Variants in MYO1D observed in about 807,000 individuals in gnomAD.
MYO1D encodes myosin ID.
Under a neutral mutation model 122.0 loss-of-function variants are expected in MYO1D, and 83 were observed. The observed-to-expected ratio is 0.68, with a 90% CI of 0.57 to 0.82. The LOEUF (loss-of-function observed/expected upper bound fraction) is 0.82. Among genes scored for constraint, MYO1D ranks in the 40% least tolerant of loss-of-function variants. The pLI is 0.00. For synonymous variants in MYO1D, 464 were observed against 446.9 expected (o/e 1.04, Z -0.48); for missense variants, 1,157 against 1,269.5 (o/e 0.91, Z 1.35).
At chr17:32,866,196 C>T (rs2091123263) in intron 1 of MYO1D, among the ~76,000 whole-genome samples, 1 of 152,136 alleles carries the variant, frequency 6.6e-6, no homozygotes, top group African/African-American at 2.4e-5. Flanking sequence ...AGTAATGTCC[C>T]TTAAACCCAA....
intron 1 of MYO1D, among the ~76,000 whole-genome samples, chr17:32,839,106 A>C (rs2090853812): frequency 6.6e-6 from 1 of 152,228 alleles, no homozygotes; most frequent in Admixed American, 6.5e-5. Flanking sequence ...AAAAACAAGC[A>C]GAGTAGGAAC....
chr17:32,601,082 AC>A (rs1160799671), intron 21 of MYO1D, among the ~76,000 whole-genome samples: 1 of 151,684 alleles, frequency 6.6e-6, no homozygotes, highest in Non-Finnish European at 1.5e-5. Flanking sequence ...ACAGGTGTGC[AC>A]CACCATGCTT....
intron 21 of MYO1D, among the ~76,000 whole-genome samples, chr17:32,515,747 G>A (rs1353195328): frequency 6.6e-6 from 1 of 152,194 alleles, no homozygotes; most frequent in Non-Finnish European, 1.5e-5. Flanking sequence ...GTAGCAGGTG[G>A]TGGGGGATTT....
At chr17:32,508,726 C>A (rs1909584788) in intron 21 of MYO1D, among the ~76,000 whole-genome samples, 1 of 152,108 alleles carries the variant, frequency 6.6e-6, no homozygotes, top group African/African-American at 2.4e-5. Flanking sequence ...ATGAGAAGGC[C>A]CAAAGAGCCT....
chr17:32,689,404 G>A (rs1050212972), intron 16 of MYO1D, among the ~76,000 whole-genome samples: 1 of 152,030 alleles, frequency 6.6e-6, no homozygotes, highest in Non-Finnish European at 1.5e-5. Context: ...AAATACTGAC[G>A]CTCATTATAG....
chr17:32,741,040 A>G (rs2089766216), intron 13 of MYO1D, among the ~76,000 whole-genome samples: 1 of 152,030 alleles, frequency 6.6e-6, no homozygotes, highest in East Asian at 1.9e-4. Context: ...CAAGGTCTAC[A>G]GAACTAGAAT....
At chr17:32,738,138 A>T in intron 14 of MYO1D, 115 bp downstream of exon 14, 1 of 889,746 alleles carries the variant, frequency 1.1e-6, no homozygotes, top group African/African-American at 1.7e-5. Context: ...TTCACTTTAT[A>T]CATATTCTTC....
At chr17:32,779,092 A>G (rs138164557) in intron 2 of MYO1D, among the ~76,000 whole-genome samples, 1 of 152,308 alleles carries the variant, frequency 6.6e-6, no homozygotes, top group Non-Finnish European at 1.5e-5. Flanking sequence ...AAAAAGCATG[A>G]CAATTGGGAT....
intron 19 of MYO1D, among the ~76,000 whole-genome samples, chr17:32,644,183 T>C (rs1056797411): frequency 3.3e-5 from 5 of 152,194 alleles, no homozygotes; most frequent in East Asian, 1.9e-4. Context: ...ACCCAGTAGT[T>C]ATTCAGGAGC....
chr17:32,649,717 C>T (rs1264840928), intron 19 of MYO1D, among the ~76,000 whole-genome samples: 1 of 151,766 alleles, frequency 6.6e-6, no homozygotes, highest in Non-Finnish European at 1.5e-5. Context: ...GATTGCAGGC[C>T]TGTGCCACCA....
chr17:32,586,390 T>G (rs1204224815), intron 21 of MYO1D, among the ~76,000 whole-genome samples: 1 of 152,146 alleles, frequency 6.6e-6, no homozygotes, highest in Non-Finnish European at 1.5e-5. Flanking sequence ...GCTTTCCTAT[T>G]CCCTATGTGT....
intron 8 of MYO1D, among the ~76,000 whole-genome samples, chr17:32,763,970 T>C (rs934009851): frequency 2.6e-5 from 4 of 152,054 alleles, no homozygotes; most frequent in Admixed American, 6.6e-5. Context: ...AGCTCACTCC[T>C]GGGAATCCAT....
At chr17:32,799,933 A>G (rs1412736755) in intron 1 of MYO1D, among the ~76,000 whole-genome samples, 4 of 152,236 alleles carry the variant, frequency 2.6e-5, no homozygotes, top group Non-Finnish European at 5.9e-5. Flanking sequence ...ACCAATACAT[A>G]TGAAAAACTG....
At chr17:32,780,877 A>G (rs1453023117) in intron 1 of MYO1D, 93 bp from the exon 2 acceptor site, 10 of 1,219,220 alleles carry the variant, frequency 8.2e-6, no homozygotes, top group Non-Finnish European at 4.7e-6. Flanking sequence ...AGGAAGTCCA[A>G]ATATCCTAGG....
intron 16 of MYO1D, among the ~76,000 whole-genome samples, chr17:32,671,152 C>A (rs1389595549): frequency 6.6e-6 from 1 of 152,238 alleles, no homozygotes; most frequent in African/African-American, 2.4e-5. Context: ...CATATTGTAA[C>A]ACTCCCTTTG....
chr17:32,814,949 G>A (rs955228240), intron 1 of MYO1D, among the ~76,000 whole-genome samples: 5 of 152,204 alleles, frequency 3.3e-5, no homozygotes, highest in African/African-American at 1.2e-4. Flanking sequence ...AACAAAAGTG[G>A]CAGAGAATGG....
chr17:32,641,043 G>A (rs1042347902), intron 19 of MYO1D, among the ~76,000 whole-genome samples: 3 of 150,920 alleles, frequency 2.0e-5, no homozygotes, highest in Admixed American at 6.6e-5. Context: ...CCATTAACTC[G>A]TCATTTAAAT....
intron 21 of MYO1D, among the ~76,000 whole-genome samples, chr17:32,565,367 G>A (rs1035239052): frequency 6.6e-6 from 1 of 152,182 alleles, no homozygotes; most frequent in African/African-American, 2.4e-5. Flanking sequence ...TTGTAGCAAC[G>A]AAAGGCACCC....
intron 19 of MYO1D, among the ~76,000 whole-genome samples, chr17:32,643,045 T>A (rs1000239056): frequency 2.6e-5 from 4 of 152,206 alleles, no homozygotes; most frequent in Admixed American, 2.6e-4. Flanking sequence ...TTCAGTATGA[T>A]ATTGGCTGTG....
Sources: allele counts gnomAD v4.1 joint callset (sites outside exome capture counted in the v4.1 genomes callset), GRCh38; gene constraint gnomAD v4.1.1; transcripts MANE v1.5; gene names NCBI Gene and HGNC (gene_info 2026-07-23, HGNC 2026-07-21).